NYAP2: variants seen among roughly 807,000 people sequenced by gnomAD.
NYAP2 encodes the protein neuronal tyrosine-phosphorylated phosphoinositide-3-kinase adaptor 2.
Under a neutral mutation model 50.4 loss-of-function variants are expected in NYAP2, and 23 were observed. That is an observed-to-expected ratio of 0.46 (90% CI 0.33 to 0.65). The LOEUF is 0.65. NYAP2 is among the 30% of genes least tolerant of loss of function. The pLI is 0.02. For synonymous variants in NYAP2, 394 were observed against 365.2 expected (o/e 1.08, Z -0.90); for missense variants, 885 against 861.0 (o/e 1.03, Z -0.35).
the NYAP2 span, among the ~76,000 whole-genome samples, chr2:225,671,345 TTTACCAGGGGTG>T: frequency 3.9e-4 from 59 of 152,294 alleles, no homozygotes; most frequent in East Asian, 1.9e-4. Context: ...TCATAGCACC[TTTACCAGGGGTG>T]CATTTCATCT....
Position 225,589,516 on chromosome 2 carries a change from A to AAAATATATATATATATATAT in NYAP2, c.1618+6482_1618+6483insAATATATATATATATATATA, listed in dbSNP as rs112700820. On this transcript the variant is annotated intron_variant, in intron 5 of 6. Transcript: ENST00000636099. ...AAGACTATATCTCTACTAAAAGTAA[A>AAAATATATATATATATATAT]ATATATATATATATATATATATATA... 2.5e-3 allele frequency among the ~76,000 whole-genome samples: 177 copies of AAAATATATATATATATATAT among 71,286 alleles called. 1 individual carries two copies. Among genetic ancestry groups the AAAATATATATATATATATAT allele is most frequent in the East Asian group, 9.3e-3 (22 of 2,378 alleles). The allele number at this position is 71,286 out of a possible 152,430, so 46.8% of individuals were successfully genotyped here.
intron 5 of NYAP2, among the ~76,000 whole-genome samples, chr2:225,611,214 A>G (rs958725511): frequency 6.6e-6 from 1 of 152,158 alleles, no homozygotes; most frequent in Admixed American, 6.5e-5. Flanking sequence ...TTCCCTTCTC[A>G]GAGGAAAACT....
chr2:225,632,405 C>A (rs569136150), intron 6 of NYAP2, among the ~76,000 whole-genome samples: 1 of 152,146 alleles, frequency 6.6e-6, no homozygotes, highest in Non-Finnish European at 1.5e-5. Flanking sequence ...CTCTGTCCCC[C>A]CTCCACACTG....
chr2:225,472,077 A>G (rs944670897), intron 3 of NYAP2, among the ~76,000 whole-genome samples: 2 of 152,192 alleles, frequency 1.3e-5, no homozygotes, highest in African/African-American at 4.8e-5. Flanking sequence ...GGATTAACTA[A>G]GCATTAAGAT....
the NYAP2 span, chr2:225,702,118 C>T: frequency 6.6e-6 from 1 of 151,530 alleles, no homozygotes. Context: ...AGTAAGTTAT[C>T]CGAGATGAGA....
chr2:225,630,662 G>A (rs982789474), intron 6 of NYAP2, among the ~76,000 whole-genome samples: 2 of 152,154 alleles, frequency 1.3e-5, no homozygotes, highest in East Asian at 3.8e-4. Flanking sequence ...AGCAGTAGAT[G>A]GTGTCTGCCA....
chr2:225,563,399 A>G (rs889325641), intron 4 of NYAP2, among the ~76,000 whole-genome samples: 1 of 152,142 alleles, frequency 6.6e-6, no homozygotes, highest in African/African-American at 2.4e-5. Flanking sequence ...GTGTTGGGAA[A>G]TCACTTTTTT....
the NYAP2 span, among the ~76,000 whole-genome samples, chr2:225,661,719 G>T: frequency 7.3e-6 from 1 of 136,852 alleles, no homozygotes; most frequent in Non-Finnish European, 1.6e-5. Context: ...TTTTGAATTT[G>T]CTCTCTCTTT....
chr2:225,678,714 T>C, the NYAP2 span, among the ~76,000 whole-genome samples: 1 of 152,238 alleles, frequency 6.6e-6, no homozygotes, highest in African/African-American at 2.4e-5. Context: ...AGATACAAGG[T>C]TGAGGGGCCA....
At chr2:225,412,783 C>CG (rs1480622371) in intron 3 of NYAP2, among the ~76,000 whole-genome samples, 6 of 152,176 alleles carry the variant, frequency 3.9e-5, no homozygotes, top group Non-Finnish European at 7.4e-5. Context: ...CGGAAAATAG[C>CG]GGGCTAGGAA....
chr2:225,561,686 G>A (rs1325689085), intron 4 of NYAP2, among the ~76,000 whole-genome samples: 1 of 152,062 alleles, frequency 6.6e-6, no homozygotes, highest in Non-Finnish European at 1.5e-5. Flanking sequence ...GTGAAATAGA[G>A]GCTTTAGCTG....
chr2:225,619,972 T>C (rs1693060844), intron 5 of NYAP2, among the ~76,000 whole-genome samples: 1 of 152,242 alleles, frequency 6.6e-6, no homozygotes, highest in South Asian at 2.1e-4. Flanking sequence ...GCTCATTCAT[T>C]CACTGAATAG....
chr2:225,584,047 C>CA (rs201506330), intron 5 of NYAP2, among the ~76,000 whole-genome samples: 4,908 of 151,092 alleles, frequency 0.032, 114 homozygotes, highest in Non-Finnish European at 0.044. Flanking sequence ...GTCTCAAAAA[C>CA]AAAAAACAAA....
chr2:225,575,678 A>G (rs915985451), intron 4 of NYAP2, among the ~76,000 whole-genome samples: 11 of 152,072 alleles, frequency 7.2e-5, no homozygotes, highest in African/African-American at 2.7e-4. Flanking sequence ...TCTTTGGGAG[A>G]AAGTGGAAGC....
At chr2:225,646,280 G>A (rs1222487433) in intron 6 of NYAP2, among the ~76,000 whole-genome samples, 2 of 152,166 alleles carry the variant, frequency 1.3e-5, no homozygotes, top group Non-Finnish European at 2.9e-5. Flanking sequence ...GGCTGGGCAC[G>A]GTGGCTCATG....
At chr2:225,527,850 G>A (rs562632879) in intron 4 of NYAP2, among the ~76,000 whole-genome samples, 1 of 152,074 alleles carries the variant, frequency 6.6e-6, no homozygotes, top group Admixed American at 6.6e-5. Flanking sequence ...GTCTTGTTAT[G>A]TTGCCTGGGC....
intron 4 of NYAP2, among the ~76,000 whole-genome samples, chr2:225,521,175 T>A (rs1691049604): frequency 1.3e-5 from 2 of 151,442 alleles, no homozygotes. Context: ...GATTTTGGGC[T>A]GAGACAATGA....
intron 5 of NYAP2, among the ~76,000 whole-genome samples, chr2:225,605,771 A>T (rs1574705489): frequency 1.3e-5 from 2 of 152,260 alleles, no homozygotes; most frequent in South Asian, 4.1e-4. Flanking sequence ...TCTAATAAAT[A>T]TAAAATAGAT....
intron 4 of NYAP2, among the ~76,000 whole-genome samples, chr2:225,531,101 C>T (rs183233234): frequency 5.6e-4 from 86 of 152,294 alleles, no homozygotes; most frequent in Non-Finnish European, 2.1e-4. Flanking sequence ...TTCATCTGAT[C>T]GTGTGACTAT....
Sources: allele counts gnomAD v4.1 joint callset (sites outside exome capture counted in the v4.1 genomes callset), GRCh38; gene constraint gnomAD v4.1.1; transcripts MANE v1.5; gene names NCBI Gene and HGNC (gene_info 2026-07-23, HGNC 2026-07-21).